IDE: variants seen among roughly 807,000 people sequenced by gnomAD.
IDE encodes the protein insulin-degrading enzyme.
In IDE, 58 loss-of-function variants were observed where a neutral mutation model predicts 133.2. That is an observed-to-expected ratio of 0.44 (90% CI 0.35 to 0.54). IDE has a LOEUF of 0.54. IDE is among the 20% of genes least tolerant of loss of function. The pLI is 0.00. For missense variants in IDE, 981 were observed against 1,234.0 expected, an observed-to-expected ratio of 0.79 and a Z score of 3.07; for synonymous variants, 396 against 421.3, an observed-to-expected ratio of 0.94 and a Z score of 0.73.
chr10:92,536,286 G>T (rs895316952), intron 2 of IDE, among the ~76,000 whole-genome samples: 7 of 151,496 alleles, frequency 4.6e-5, no homozygotes, highest in African/African-American at 1.7e-4. Context: ...AGGAGGGTGA[G>T]GCAGGAAGAT....
At chr10:92,465,906 T>G (rs946646711) in intron 19 of IDE, 63 bp from the exon 20 acceptor site, 37 of 1,329,360 alleles carry the variant, frequency 2.8e-5, no homozygotes, top group Non-Finnish European at 3.6e-5. Flanking sequence ...ATAAAGTCAA[T>G]GCTATGTCTG....
At chr10:92,534,010 C>T (rs543380158) in intron 3 of IDE, among the ~76,000 whole-genome samples, 3 of 148,228 alleles carry the variant, frequency 2.0e-5, no homozygotes, top group East Asian at 2.0e-4. Context: ...GAAACAAGTG[C>T]GAAACTCCGT....
At chr10:92,461,610 C>T (rs1845396178) in intron 21 of IDE, among the ~76,000 whole-genome samples, 1 of 152,212 alleles carries the variant, frequency 6.6e-6, no homozygotes, top group African/African-American at 2.4e-5. Flanking sequence ...TCCACCTCAG[C>T]CTCCCAAAGT....
chr10:92,569,565 G>C (rs576315593), intron 1 of IDE, among the ~76,000 whole-genome samples: 4 of 152,266 alleles, frequency 2.6e-5, no homozygotes, highest in African/African-American at 7.2e-5. Context: ...GACTCAGGAG[G>C]ATTGGGTCTT....
chr10:92,558,943 A>C (rs1187959172), intron 1 of IDE: 1 of 152,054 alleles, frequency 6.6e-6, no homozygotes, highest in African/African-American at 2.4e-5. Context: ...AAAAAAAAAA[A>C]ACCCAATTAA....
intron 4 of IDE, among the ~76,000 whole-genome samples, chr10:92,526,666 G>A (rs1478685928): frequency 6.6e-6 from 1 of 151,656 alleles, no homozygotes; most frequent in Admixed American, 6.6e-5. Context: ...GGCAACATAG[G>A]GAGACCCTAT....
At chr10:92,468,042 G>A (rs1845782573) in intron 19 of IDE, among the ~76,000 whole-genome samples, 1 of 152,216 alleles carries the variant, frequency 6.6e-6, no homozygotes, top group African/African-American at 2.4e-5. Context: ...GAAAAATTGT[G>A]CTGCAAGTCC....
chr10:92,572,810 T>C, intron 1 of IDE: 1 of 848,594 alleles, frequency 1.2e-6, no homozygotes. Flanking sequence ...ACGCCAGCCC[T>C]CACTCCAACC....
intron 4 of IDE, among the ~76,000 whole-genome samples, chr10:92,531,131 C>A (rs189801844): frequency 2.0e-5 from 3 of 152,082 alleles, no homozygotes; most frequent in Non-Finnish European, 4.4e-5. Context: ...TTTATTTTTA[C>A]TCTAAATGCT....
chr10:92,535,555 C>T (rs1453069808), intron 2 of IDE, among the ~76,000 whole-genome samples: 2 of 152,202 alleles, frequency 1.3e-5, no homozygotes, highest in African/African-American at 4.8e-5. Context: ...ATATACCCAT[C>T]TTACAGGGCT....
intron 22 of IDE, among the ~76,000 whole-genome samples, chr10:92,457,201 G>A (rs957921174): frequency 1.3e-5 from 2 of 152,038 alleles, no homozygotes; most frequent in African/African-American, 4.8e-5. Context: ...GCTTAGTCAG[G>A]GACAAGCACG....
chr10:92,502,640 C>A (rs1461637587), intron 11 of IDE, among the ~76,000 whole-genome samples: 1 of 152,160 alleles, frequency 6.6e-6, no homozygotes. Context: ...ATCTCGCCAT[C>A]CCCCACTAAA....
chr10:92,487,573 A>G (rs1847079944), intron 12 of IDE, among the ~76,000 whole-genome samples: 1 of 152,222 alleles, frequency 6.6e-6, no homozygotes, highest in Admixed American at 6.5e-5. Context: ...TGACCAGCTG[A>G]GGAACAATTG....
chr10:92,490,193 C>T (rs750739196), intron 12 of IDE, among the ~76,000 whole-genome samples: 8 of 152,220 alleles, frequency 5.3e-5, no homozygotes, highest in Non-Finnish European at 8.8e-5. Context: ...CTTCCTACTT[C>T]CATCGCTTCT....
intron 4 of IDE, among the ~76,000 whole-genome samples, chr10:92,531,398 A>G (rs560148784): frequency 7.2e-4 from 109 of 152,328 alleles, no homozygotes; most frequent in Middle Eastern, 6.8e-3. Flanking sequence ...CAATGAGGAC[A>G]AGTGGATTCA....
intron 1 of IDE, among the ~76,000 whole-genome samples, chr10:92,557,633 T>C (rs866393002): frequency 2.0e-5 from 3 of 152,142 alleles, no homozygotes; most frequent in Non-Finnish European, 4.4e-5. Context: ...GGGCATGTTG[T>C]AATCCCAGCA....
chr10:92,573,944 G>A lies in IDE; in HGVS notation c.76C>T (p.Pro26Ser). 1 of 1,469,634 alleles carries A rather than the reference G, an allele frequency of 6.8e-7. No individual in the cohort carries two copies. Among genetic ancestry groups the A allele is most frequent in the Non-Finnish European group, 9.0e-7 (1 of 1,116,196 alleles). The allele number at this position is 1,469,634 out of a possible 1,614,324, so 91.0% of individuals were successfully genotyped here. A position where few individuals can be genotyped will look rare whatever the true frequency, so the allele number is the denominator to read the frequency against. ...TACCCACACAGGCGCTCCGGAGGCG[G>A]CAGGCGGGCGCCGAGGACTGAGCGG... Reference protein sequence around the residue: ...TFRSVLGARLPPPERLCGFQK... With the variant: ...TFRSVLGARLSPPERLCGFQK... The change falls in exon 1 of 25, where the codon CCG becomes TCG. Residue 26 changes from proline (P) to serine (S), a missense_variant. Coordinates refer to ENST00000265986, the MANE Select transcript of IDE (RefSeq NM_004969.4).
intron 1 of IDE, chr10:92,573,280 G>A (rs764195967): frequency 6.1e-6 from 4 of 652,624 alleles, no homozygotes; most frequent in Non-Finnish European, 7.6e-6. Context: ...GCCATCTCTC[G>A]GAGCTCCGGT....
intron 10 of IDE, among the ~76,000 whole-genome samples, 190 bp from the exon 11 acceptor site, chr10:92,505,087 A>G (rs1472907662): frequency 1.3e-5 from 2 of 152,204 alleles, no homozygotes; most frequent in African/African-American, 4.8e-5. Context: ...AAGCAGTTTC[A>G]TATTGTTTGA....
Sources: allele counts gnomAD v4.1 joint callset (sites outside exome capture counted in the v4.1 genomes callset), GRCh38; gene constraint gnomAD v4.1.1; transcripts MANE v1.5; gene names NCBI Gene and HGNC (gene_info 2026-07-23, HGNC 2026-07-21).